Variants in ARHGAP44 observed in about 807,000 individuals in gnomAD.
ARHGAP44 encodes rho GTPase-activating protein 44.
A neutral mutation model predicts 106.8 loss-of-function variants in ARHGAP44; 43 were observed. That is an observed-to-expected ratio of 0.40 (90% CI 0.32 to 0.52). The LOEUF (loss-of-function observed/expected upper bound fraction) is 0.52. ARHGAP44 is among the 20% of genes least tolerant of loss of function. The pLI, the probability that ARHGAP44 is intolerant of heterozygous loss-of-function variation, is 0.48. For missense variants in ARHGAP44, 866 were observed against 1,050.5 expected, an observed-to-expected ratio of 0.82 and a Z score of 2.43; for synonymous variants, 439 against 410.3, an observed-to-expected ratio of 1.07 and a Z score of -0.85.
intron 7 of ARHGAP44, among the ~76,000 whole-genome samples, chr17:12,939,472 T>A (rs546594214): frequency 9.2e-5 from 14 of 152,262 alleles, no homozygotes; most frequent in Non-Finnish European, 1.5e-4. Flanking sequence ...TTTTTTATTT[T>A]TTTTTTATTT....
chr17:12,794,678 C>A (rs950564460), intron 1 of ARHGAP44, among the ~76,000 whole-genome samples: 1 of 152,066 alleles, frequency 6.6e-6, no homozygotes, highest in Non-Finnish European at 1.5e-5. Context: ...GTCTCTGGAG[C>A]CTTGTTTTCT....
At chr17:12,877,486 A>G (rs993462134) in intron 1 of ARHGAP44, among the ~76,000 whole-genome samples, 3 of 152,234 alleles carry the variant, frequency 2.0e-5, no homozygotes, top group Non-Finnish European at 4.4e-5. Context: ...AAATTTAATT[A>G]AAAGATATTT....
At chr17:12,819,042 G>A (rs1227951468) in intron 1 of ARHGAP44, among the ~76,000 whole-genome samples, 2 of 152,030 alleles carry the variant, frequency 1.3e-5, no homozygotes, top group Non-Finnish European at 2.9e-5. Context: ...CTATGAACAA[G>A]GCAGTGTGGT....
chr17:12,800,153 T>G lies in ARHGAP44; in HGVS notation c.53+10262T>G, dbSNP rs547354868. Reference sequence around the variant, plus strand: ...ATTCCTTGCCGTGCTGAAAGTGTCTTTGACATGAAGCATTTATTTTGTTAT... The same window carrying G: ...ATTCCTTGCCGTGCTGAAAGTGTCTGTGACATGAAGCATTTATTTTGTTAT... On this transcript the variant is annotated intron_variant, in intron 1 of 20. Coordinates refer to ENST00000379672, the MANE Select transcript of ARHGAP44 (RefSeq NM_014859.6). Among the ~76,000 whole-genome samples, 3 of 152,328 alleles carry G rather than the reference T, an allele frequency of 2.0e-5. No individual in the cohort carries two copies. The East Asian group carries it at 5.8e-4, about 29-fold the overall frequency.
At chr17:12,895,650 T>A (rs1303022718) in intron 2 of ARHGAP44, among the ~76,000 whole-genome samples, 1 of 152,210 alleles carries the variant, frequency 6.6e-6, no homozygotes, top group Non-Finnish European at 1.5e-5. Context: ...TTTATGCTGT[T>A]GGTGGGACTG....
intron 6 of ARHGAP44, among the ~76,000 whole-genome samples, chr17:12,923,878 G>A (rs145743246): frequency 4.6e-5 from 7 of 152,260 alleles, no homozygotes; most frequent in African/African-American, 1.7e-4. Flanking sequence ...ACCAAATGCT[G>A]TGCTATTGAA....
At chr17:12,818,141 T>C (rs1018075111) in intron 1 of ARHGAP44, among the ~76,000 whole-genome samples, 1 of 151,948 alleles carries the variant, frequency 6.6e-6, no homozygotes, top group African/African-American at 2.4e-5. Context: ...TAAAACATTA[T>C]GACCAAGTGA....
intron 4 of ARHGAP44, among the ~76,000 whole-genome samples, chr17:12,914,129 A>T (rs1259202742): frequency 2.6e-5 from 4 of 152,200 alleles, no homozygotes; most frequent in Non-Finnish European, 5.9e-5. Flanking sequence ...AATAGATCCT[A>T]ATACAAAAAT....
chr17:12,951,658 T>C (rs73978285), intron 12 of ARHGAP44, among the ~76,000 whole-genome samples: 6,236 of 152,228 alleles, frequency 0.041, 425 homozygotes, highest in African/African-American at 0.14. Flanking sequence ...AAGAGGTCAG[T>C]GTCTTTGAAC....
intron 3 of ARHGAP44, among the ~76,000 whole-genome samples, chr17:12,906,209 A>T (rs2037540693): frequency 6.6e-6 from 1 of 152,046 alleles, no homozygotes. Context: ...TGAAAAACAG[A>T]CTCTGTTTGT....
chr17:12,920,716 C>T (rs2038058677), intron 6 of ARHGAP44, among the ~76,000 whole-genome samples: 1 of 152,202 alleles, frequency 6.6e-6, no homozygotes, highest in Non-Finnish European at 1.5e-5. Flanking sequence ...TGGAGACTCA[C>T]TCACCTTTTC....
intron 18 of ARHGAP44, among the ~76,000 whole-genome samples, chr17:12,974,683 G>A (rs746079190): frequency 3.3e-5 from 5 of 152,110 alleles, no homozygotes; most frequent in Non-Finnish European, 7.4e-5. Flanking sequence ...TGAAACAGCT[G>A]ATAGTCCCAA....
intron 1 of ARHGAP44, among the ~76,000 whole-genome samples, chr17:12,864,247 G>T (rs933731265): frequency 1.3e-5 from 2 of 152,296 alleles, no homozygotes; most frequent in Non-Finnish European, 2.9e-5. Flanking sequence ...CCAGAGATGC[G>T]ACAGTGCTAA....
chr17:12,873,906 A>AAAAT (rs1174917101), intron 1 of ARHGAP44, among the ~76,000 whole-genome samples: 168 of 52,146 alleles, frequency 3.2e-3, no homozygotes, highest in African/African-American at 7.1e-3. Flanking sequence ...TCAGTCTCAA[A>AAAAT]AAATAAATAA....
chr17:12,916,376 C>A (rs1431534813), intron 5 of ARHGAP44, among the ~76,000 whole-genome samples: 2 of 151,920 alleles, frequency 1.3e-5, no homozygotes, highest in Admixed American at 1.3e-4. Flanking sequence ...GGGCCCAGGC[C>A]TCCTGCAGTT....
At chr17:12,838,707 G>C (rs965157528) in intron 1 of ARHGAP44, among the ~76,000 whole-genome samples, 1 of 152,034 alleles carries the variant, frequency 6.6e-6, no homozygotes, top group Non-Finnish European at 1.5e-5. Context: ...TTTCACTCTT[G>C]CTGCCCCAGA....
At chr17:12,790,017 C>T (rs907970262) in intron 1 of ARHGAP44, 126 bp downstream of exon 1, 5 of 909,884 alleles carry the variant, frequency 5.5e-6, no homozygotes, top group African/African-American at 5.4e-5. Flanking sequence ...TGCACCAGCT[C>T]CCTCCAGGCG....
At chr17:12,893,796 A>C (rs948434953) in intron 1 of ARHGAP44, among the ~76,000 whole-genome samples, 10 of 152,040 alleles carry the variant, frequency 6.6e-5, no homozygotes, top group Non-Finnish European at 4.4e-5. Context: ...GTCTACAGAG[A>C]CCAGGCTTTT....
At chr17:12,821,588 C>T (rs753772935) in intron 1 of ARHGAP44, among the ~76,000 whole-genome samples, 4 of 152,100 alleles carry the variant, frequency 2.6e-5, no homozygotes, top group Admixed American at 6.6e-5. Flanking sequence ...CCTGGCCTAC[C>T]GTGAGCTAGA....
Sources: allele counts gnomAD v4.1 joint callset (sites outside exome capture counted in the v4.1 genomes callset), GRCh38; gene constraint gnomAD v4.1.1; transcripts MANE v1.5; gene names NCBI Gene and HGNC (gene_info 2026-07-23, HGNC 2026-07-21).